The following CLIP2 variants were observed in gnomAD, a reference collection of about 807,000 sequenced individuals.
CLIP2 encodes the protein CAP-Gly domain-containing linker protein 2.
In CLIP2, 41 loss-of-function variants were observed where a neutral mutation model predicts 111.7. The ratio of observed to expected loss-of-function variants is 0.37; its 90% CI spans 0.29 to 0.48. CLIP2 has a LOEUF of 0.48. Among genes scored for constraint, CLIP2 ranks in the 20% least tolerant of loss-of-function variants. The probability of loss-of-function intolerance (pLI) is 0.99; values close to 1 mark genes in which losing one functional copy is unlikely to be tolerated. For synonymous variants in CLIP2, 660 were observed against 644.2 expected (o/e 1.02, Z -0.37); for missense variants, 1,160 against 1,422.1 (o/e 0.82, Z 2.96).
rs1295914328 is a variant in CLIP2, at chr7:74,335,693, CT to C, written c.122-2748del. Among the ~76,000 whole-genome samples, 25 of 83,656 alleles carry C rather than the reference CT, an allele frequency of 3.0e-4. No individual in the cohort carries two copies. In the South Asian group the frequency reaches 6.9e-3, roughly 23 times the overall value. The allele number at this position is 83,656 out of a possible 152,430, so 54.9% of individuals were successfully genotyped here. On this transcript the variant is annotated intron_variant, in intron 2 of 16. Coordinates refer to ENST00000223398, the MANE Select transcript of CLIP2 (RefSeq NM_003388.5). ...TTCCTTCCTTGCTTCCTTCCTTTCT[CT>C]TTTTTTCTTTCTTTTTTTCTTCCTT...
intron 3 of CLIP2, among the ~76,000 whole-genome samples, chr7:74,344,289 A>G (rs1298667077): frequency 2.0e-5 from 3 of 152,146 alleles, no homozygotes; most frequent in Non-Finnish European, 4.4e-5. Flanking sequence ...GGGCTGGGCT[A>G]TCTTGACCTT....
At chr7:74,361,045 C>G (rs1456617290) in intron 7 of CLIP2, among the ~76,000 whole-genome samples, 1 of 151,948 alleles carries the variant, frequency 6.6e-6, no homozygotes, top group African/African-American at 2.4e-5. Flanking sequence ...GCGCCCCTCC[C>G]CAACCCTGGA....
intron 13 of CLIP2, among the ~76,000 whole-genome samples, chr7:74,391,516 A>G (rs1584388865): frequency 1.3e-5 from 2 of 152,170 alleles, no homozygotes; most frequent in East Asian, 3.9e-4. Context: ...AATTAGACTA[A>G]CAATTAAAAA....
chr7:74,359,972 G>GTCC (rs1790278645), intron 6 of CLIP2, among the ~76,000 whole-genome samples: 1 of 152,176 alleles, frequency 6.6e-6, no homozygotes, highest in Non-Finnish European at 1.5e-5. Flanking sequence ...GGGCCTAAGG[G>GTCC]TCCTGCCTCT....
intron 10 of CLIP2, among the ~76,000 whole-genome samples, chr7:74,378,545 G>A (rs1341309609): frequency 5.3e-5 from 8 of 152,084 alleles, no homozygotes; most frequent in African/African-American, 1.9e-4. Flanking sequence ...TTTGAGACCA[G>A]CCTGGACAAC....
At chr7:74,312,804 CT>C (rs1350389944) in intron 1 of CLIP2, among the ~76,000 whole-genome samples, 15 of 152,154 alleles carry the variant, frequency 9.9e-5, no homozygotes, top group Admixed American at 9.8e-4. Flanking sequence ...GGCTCCACTG[CT>C]GTGTGCCTGG....
chr7:74,382,669 CT>C (rs1790979535), intron 11 of CLIP2, among the ~76,000 whole-genome samples: 1 of 151,664 alleles, frequency 6.6e-6, no homozygotes, highest in African/African-American at 2.4e-5. Context: ...GGTTATTGAT[CT>C]TTTTGCTGAT....
chr7:74,400,942 G>A lies in CLIP2; in HGVS notation c.3066+387G>A, dbSNP rs537114204. 1.1e-4 allele frequency among the ~76,000 whole-genome samples: 17 copies of A among 150,788 alleles called. No individual in the cohort carries two copies. The South Asian group carries it at 3.6e-3, about 32-fold the overall frequency. On this transcript the variant is annotated intron_variant, in intron 15 of 16. Transcript: ENST00000223398. Reference sequence around the variant, plus strand: ...CTGAAGGGGGAGGTAGCTCTGTCCCGGGAACCCTAGTCTGAAGGGGGAGGC... The same window carrying A: ...CTGAAGGGGGAGGTAGCTCTGTCCCAGGAACCCTAGTCTGAAGGGGGAGGC...
At chr7:74,354,797 A>C (rs1790102484) in intron 4 of CLIP2, among the ~76,000 whole-genome samples, 1 of 152,044 alleles carries the variant, frequency 6.6e-6, no homozygotes, top group South Asian at 2.1e-4. Flanking sequence ...TAAATAAATA[A>C]ATAAATAAAA....
At position 74,389,165 on chromosome 7, in the gene CLIP2, C is replaced by T. The variant is rs782511561; in HGVS notation, c.2626C>T (p.Arg876Cys). The part of the protein sequence containing the change: ...KVDALLKEKR[R>C]LEAELETVSR... ...GGACGCCCTCCTGAAGGAGAAGCGGCGCCTGGAGGCAGAGCTGGAGACCGT... is the reference window on the plus strand; with the variant it reads ...GGACGCCCTCCTGAAGGAGAAGCGGTGCCTGGAGGCAGAGCTGGAGACCGT... Residue 876 changes from arginine to cysteine, a missense_variant, in exon 13 of 17, where the codon CGC becomes TGC. Transcript: ENST00000223398. The T allele has an allele frequency of 3.6e-5, 58 of 1,613,564 alleles. No individual in the cohort carries two copies. The highest frequency in any genetic ancestry group is 1.6e-4 in the Middle Eastern group (1 of 6,082).
At chr7:74,317,046 G>A (rs1554729227) in intron 1 of CLIP2, among the ~76,000 whole-genome samples, 9 of 152,146 alleles carry the variant, frequency 5.9e-5, no homozygotes. Flanking sequence ...GTCTAAAAGT[G>A]GTCTTTGTTG....
intron 14 of CLIP2, among the ~76,000 whole-genome samples, 163 bp downstream of exon 14, chr7:74,397,396 G>A (rs1337253752): frequency 6.6e-6 from 1 of 152,138 alleles, no homozygotes; most frequent in African/African-American, 2.4e-5. Context: ...GGCAGGTGGA[G>A]GGACCCTGGC....
At chr7:74,400,149 C>CAAA (rs781818573) in intron 14 of CLIP2, among the ~76,000 whole-genome samples, 1,201 of 55,506 alleles carry the variant, frequency 0.022, 28 homozygotes, top group African/African-American at 0.072. Flanking sequence ...GACTCTGTCT[C>CAAA]AAAAAAAAAA....
intron 2 of CLIP2, among the ~76,000 whole-genome samples, chr7:74,323,658 T>C (rs1325658492): frequency 6.6e-6 from 1 of 152,042 alleles, no homozygotes; most frequent in African/African-American, 2.4e-5. Context: ...AACTCCTGAC[T>C]CAGGTAATCT....
chr7:74,311,136 C>T (rs1226077052), intron 1 of CLIP2, among the ~76,000 whole-genome samples: 15 of 151,906 alleles, frequency 9.9e-5, no homozygotes, highest in African/African-American at 2.9e-4. Context: ...TCTGCCACCA[C>T]GCTCGGCTAA....
At chr7:74,399,634 G>A (rs757545409) in intron 14 of CLIP2, among the ~76,000 whole-genome samples, 13 of 151,454 alleles carry the variant, frequency 8.6e-5, no homozygotes, top group Non-Finnish European at 1.9e-4. Context: ...CCACCTCCCG[G>A]GTTCAAGCGA....
intron 1 of CLIP2, among the ~76,000 whole-genome samples, chr7:74,300,605 G>T (rs947161291): frequency 1.3e-5 from 2 of 151,866 alleles, no homozygotes; most frequent in Admixed American, 6.6e-5. Context: ...ACCGGCGCCC[G>T]CCACCACGCC....
chr7:74,336,143 C>T (rs535097282), intron 2 of CLIP2, among the ~76,000 whole-genome samples: 4 of 152,084 alleles, frequency 2.6e-5, no homozygotes, highest in Non-Finnish European at 4.4e-5. Context: ...TCTTGGCTCA[C>T]TGCAACCTCC....
Position 74,386,653 on chromosome 7 carries a change from G to A in CLIP2, c.2563+49G>A, listed in dbSNP as rs1554314856. On this transcript the variant is annotated intron_variant, in intron 12 of 16. Transcript: ENST00000223398. ...GATGCGGGGGGCTTTCACTGGGGCC[G>A]TGCCATTCAGCTGCCAATTAAGCAT... 1.2e-5 allele frequency: 17 copies of A among 1,448,044 alleles called. No homozygotes were observed. In the East Asian group the frequency reaches 2.0e-4, roughly 17 times the overall value. The allele number at this position is 1,448,044 out of a possible 1,614,324, so 89.7% of individuals were successfully genotyped here.
Sources: allele counts gnomAD v4.1 joint callset (sites outside exome capture counted in the v4.1 genomes callset), GRCh38; gene constraint gnomAD v4.1.1; transcripts MANE v1.5; gene names NCBI Gene and HGNC (gene_info 2026-07-23, HGNC 2026-07-21).